Variants in MAST3 observed in about 807,000 individuals in gnomAD.
The protein encoded by MAST3 is microtubule-associated serine/threonine-protein kinase 3.
MAST3 carries 43 observed loss-of-function variants against 127.0 expected under a neutral mutation model. The ratio of observed to expected loss-of-function variants is 0.34; its 90% CI spans 0.27 to 0.44. The LOEUF (loss-of-function observed/expected upper bound fraction) is 0.44. Ranked by LOEUF, MAST3 falls within the 20% of genes least tolerant of loss-of-function variation. The pLI, the probability that MAST3 is intolerant of heterozygous loss-of-function variation, is 1.00. For missense variants in MAST3, 1,390 were observed against 1,919.1 expected, an observed-to-expected ratio of 0.72 and a Z score of 5.15; for synonymous variants, 785 against 809.2, an observed-to-expected ratio of 0.97 and a Z score of 0.51.
chr19:18,103,345 C>T (rs1020128823), intron 1 of MAST3, among the ~76,000 whole-genome samples: 2 of 152,098 alleles, frequency 1.3e-5, no homozygotes, highest in Non-Finnish European at 2.9e-5. Context: ...CAAGACCAGC[C>T]AGACCAACAT....
intron 21 of MAST3, among the ~76,000 whole-genome samples, chr19:18,142,899 T>G (rs1364868156): frequency 6.6e-6 from 1 of 151,712 alleles, no homozygotes; most frequent in Admixed American, 6.6e-5. Context: ...TTACCTGAGG[T>G]CAGGAGTTCA....
At chr19:18,135,534 G>A (rs2041808423) in intron 17 of MAST3, among the ~76,000 whole-genome samples, 1 of 152,174 alleles carries the variant, frequency 6.6e-6, no homozygotes, top group African/African-American at 2.4e-5. Flanking sequence ...GAAAGCCATA[G>A]AGACAGAAAA....
intron 21 of MAST3, among the ~76,000 whole-genome samples, chr19:18,143,473 G>A (rs1289937542): frequency 1.3e-5 from 2 of 152,148 alleles, no homozygotes; most frequent in African/African-American, 4.8e-5. Flanking sequence ...CTACTTGGGA[G>A]GCTGAGGCAG....
At chr19:18,147,148 G>T in intron 26 of MAST3, 104 bp downstream of exon 26, 1 of 1,139,718 alleles carries the variant, frequency 8.8e-7, no homozygotes, top group South Asian at 1.7e-5. Context: ...CTGTTGCCCA[G>T]GCTGGAGTGC....
intron 27 of MAST3, among the ~76,000 whole-genome samples, chr19:18,148,301 CA>C (rs199899302): frequency 9.0e-5 from 13 of 144,012 alleles, no homozygotes; most frequent in Middle Eastern, 3.6e-3. Flanking sequence ...AACTCCATCT[CA>C]AAAAAAAAAA....
At position 18,144,823 on chromosome 19, in the gene MAST3, G is replaced by C; in HGVS notation, c.2812+130G>C. ...GGGGAGGAGGAGTAGGACACATGGA[G>C]AGCTGGGGAGATGGTGTTCCCAGTA... On this transcript the variant is annotated intron_variant, in intron 23 of 27. Coordinates refer to ENST00000687212, the MANE Select transcript of MAST3 (RefSeq NM_001393504.1). The surrounding 1 kb of genome is among the most constrained non-coding windows in gnomAD (Gnocchi z 4.0). 1 of 1,057,294 alleles carries C rather than the reference G, an allele frequency of 9.5e-7. No homozygotes were observed. The highest frequency in any genetic ancestry group is 1.4e-6 in the Non-Finnish European group (1 of 706,566). 65.5% of individuals were successfully genotyped at this position (1,057,294 alleles called of 1,614,324 possible).
At chr19:18,130,814 C>CGTGAG in intron 14 of MAST3, 112 bp downstream of exon 14, 1 of 1,127,700 alleles carries the variant, frequency 8.9e-7, no homozygotes, top group South Asian at 1.4e-5. Context: ...TGAGGTCTCA[C>CGTGAG]CCTGCTTTGG....
chr19:18,108,851 A>T (rs1162349355), intron 2 of MAST3, among the ~76,000 whole-genome samples: 4 of 152,094 alleles, frequency 2.6e-5, no homozygotes, highest in Non-Finnish European at 5.9e-5. Context: ...TGGGGGTGGG[A>T]ATCACTCAAT....
At chr19:18,143,706 G>T in intron 21 of MAST3, 57 bp from the exon 22 acceptor site, 1 of 1,602,336 alleles carries the variant, frequency 6.2e-7, no homozygotes. Flanking sequence ...GAAGGTGGCT[G>T]AGTATCCTGG....
Position 18,124,285 on chromosome 19 carries a change from T to C in MAST3, c.864T>C (p.Ser288=). ...CCCAGGCCCATGAGCGTTCGGACAG[T>C]GAGGAGGTCAGCTTCATCGTCCAGC... The part of the protein sequence containing the change: ...LLQDAHERSD[S]EEVSFIVQLV... The change falls in exon 10 of 28, where the codon AGT becomes AGC. Residue 288 remains serine (S), a synonymous_variant. Coordinates refer to ENST00000687212, the MANE Select transcript of MAST3 (RefSeq NM_001393504.1). The C allele has an allele frequency of 1.2e-6, 2 of 1,608,504 alleles. No individual in the cohort carries two copies. Among genetic ancestry groups the C allele is most frequent in the Non-Finnish European group, 1.7e-6 (2 of 1,177,386 alleles).
At chr19:18,102,219 T>C (rs142371780) in intron 1 of MAST3, among the ~76,000 whole-genome samples, 16 of 146,394 alleles carry the variant, frequency 1.1e-4, no homozygotes, top group Middle Eastern at 4.3e-3. Flanking sequence ...TCGCTCTTCT[T>C]GCCCAGGCTG....
At position 18,132,024 on chromosome 19, in the gene MAST3, G is replaced by C. The variant is rs987118032; in HGVS notation, c.1548G>C (p.Val516=). ...ALEYLHNYGI[V]HRDLKPDNLL... ...AGTACCTGCATAACTATGGCATCGT[G>C]CACCGTGACCTCAAACCAGACAAGT... Residue 516 remains valine, a synonymous_variant, in exon 15 of 28, where the codon GTG becomes GTC. Coordinates refer to ENST00000687212, the MANE Select transcript of MAST3 (RefSeq NM_001393504.1). 5 of 1,614,172 alleles carry C rather than the reference G, an allele frequency of 3.1e-6. No individual in the cohort carries two copies. The highest frequency in any genetic ancestry group is 4.2e-6 in the Non-Finnish European group (5 of 1,180,032).
chr19:18,133,367 C>T (rs183507878), intron 15 of MAST3, among the ~76,000 whole-genome samples: 11 of 152,110 alleles, frequency 7.2e-5, no homozygotes, highest in Admixed American at 5.3e-4. Context: ...TGGCCCAGAA[C>T]ACTTTATCTT....
At chr19:18,139,470 G>C (rs752310215) in intron 20 of MAST3, among the ~76,000 whole-genome samples, 2 of 151,872 alleles carry the variant, frequency 1.3e-5, no homozygotes, top group Non-Finnish European at 2.9e-5. Flanking sequence ...GATTACAGGC[G>C]CATGCCGTCA....
chr19:18,135,677 A>C, intron 17 of MAST3, 63 bp from the exon 18 acceptor site: 2 of 1,194,522 alleles, frequency 1.7e-6, no homozygotes, highest in Non-Finnish European at 2.4e-6. Flanking sequence ...GGTGGATGGT[A>C]CTAGAAAGGG....
At chr19:18,137,503 C>T in intron 19 of MAST3, 142 bp downstream of exon 19, 2 of 976,252 alleles carry the variant, frequency 2.0e-6, no homozygotes, top group South Asian at 3.2e-5. Context: ...CCTGAGCCTT[C>T]CAAGAATCTA....
chr19:18,139,235 C>G, intron 20 of MAST3, 111 bp downstream of exon 20: 1 of 765,682 alleles, frequency 1.3e-6, no homozygotes, highest in East Asian at 2.8e-5. Flanking sequence ...GAGATGAGGT[C>G]TTGCTATGCT....
At chr19:18,142,305 A>T (rs1022182980) in intron 21 of MAST3, among the ~76,000 whole-genome samples, 1 of 151,822 alleles carries the variant, frequency 6.6e-6, no homozygotes, top group Admixed American at 6.6e-5. Flanking sequence ...GACCCAACAG[A>T]AACAGTCAAT....
In MAST3 at chr19:18,132,102, A is replaced by T. The variant is rs185727751; in HGVS notation, c.1571+55A>T. The T allele has an allele frequency of 6.7e-4, 1,072 of 1,600,536 alleles. 3 individuals are homozygous for T. The Middle Eastern group carries it at 0.013, about 19-fold the overall frequency. On this transcript the variant is annotated intron_variant, in intron 15 of 27. Transcript: ENST00000687212. ...GCGGAGGGCGGGGCCAGAGAGGATC[A>T]GGGGCGGGGCCAAAGAGGATCAGGG...
Sources: allele counts gnomAD v4.1 joint callset (sites outside exome capture counted in the v4.1 genomes callset), GRCh38; gene constraint gnomAD v4.1.1; non-coding constraint Gnocchi (gnomAD v3.1); transcripts MANE v1.5; gene names NCBI Gene and HGNC (gene_info 2026-07-23, HGNC 2026-07-21).